The following DACH1 variants were observed in gnomAD, a reference collection of about 807,000 sequenced individuals.
The protein encoded by DACH1 is dachshund family transcription factor 1.
DACH1 carries 12 observed loss-of-function variants against 54.2 expected under a neutral mutation model. That is an observed-to-expected ratio of 0.22 (90% confidence interval 0.14 to 0.36). The LOEUF (loss-of-function observed/expected upper bound fraction) is 0.36, where lower values mean the gene tolerates loss of function less well. DACH1 is among the 10% of genes least tolerant of loss of function. The probability of loss-of-function intolerance (pLI) is 1.00; values close to 1 mark genes in which losing one functional copy is unlikely to be tolerated. For missense variants in DACH1, 805 were observed against 929.8 expected (o/e 0.87, Z 1.75); for synonymous variants, 386 against 366.2 (o/e 1.05, Z -0.62).
At chr13:71,446,849 AG>A (rs1874514467) in intron 10 of DACH1, among the ~76,000 whole-genome samples, 1 of 152,236 alleles carries the variant, frequency 6.6e-6, no homozygotes, top group Non-Finnish European at 1.5e-5. Flanking sequence ...GTAGTTTCAA[AG>A]AAAATACCTT....
intron 1 of DACH1, among the ~76,000 whole-genome samples, chr13:71,691,612 T>C (rs541064336): frequency 6.6e-6 from 1 of 151,316 alleles, no homozygotes; most frequent in Non-Finnish European, 1.5e-5. Flanking sequence ...TTAAAAGTAA[T>C]AGAGTCAGGT....
At chr13:71,516,997 T>G (rs1162123024) in intron 6 of DACH1, among the ~76,000 whole-genome samples, 1 of 151,636 alleles carries the variant, frequency 6.6e-6, no homozygotes, top group Non-Finnish European at 1.5e-5. Flanking sequence ...CTCATATACC[T>G]TAGTGAGGGG....
chr13:71,563,866 T>G (rs922130736), intron 4 of DACH1, among the ~76,000 whole-genome samples: 1 of 151,676 alleles, frequency 6.6e-6, no homozygotes, highest in Non-Finnish European at 1.5e-5. Context: ...TTTATGCAAG[T>G]GTTTATGATT....
At chr13:71,667,422 G>C (rs937407050) in intron 2 of DACH1, among the ~76,000 whole-genome samples, 3 of 152,168 alleles carry the variant, frequency 2.0e-5, no homozygotes, top group Non-Finnish European at 4.4e-5. Context: ...GCTAATGGGA[G>C]TGATAATGCT....
At chr13:71,543,874 T>C (rs1382629454) in intron 6 of DACH1, among the ~76,000 whole-genome samples, 1 of 152,142 alleles carries the variant, frequency 6.6e-6, no homozygotes, top group African/African-American at 2.4e-5. Flanking sequence ...TCTGCTAAGA[T>C]TCCCCAAGAA....
At chr13:71,713,180 C>T (rs550969944) in intron 1 of DACH1, among the ~76,000 whole-genome samples, 2 of 151,660 alleles carry the variant, frequency 1.3e-5, no homozygotes, top group African/African-American at 4.8e-5. Context: ...CCTGGGTCCA[C>T]GTTGACCTAG....
chr13:71,644,178 A>G (rs1302633121), intron 2 of DACH1, among the ~76,000 whole-genome samples: 2 of 152,182 alleles, frequency 1.3e-5, no homozygotes, highest in Non-Finnish European at 2.9e-5. Flanking sequence ...AATTAAATGC[A>G]TTGTAAATAA....
intron 2 of DACH1, among the ~76,000 whole-genome samples, chr13:71,655,160 A>C (rs1036396821): frequency 6.6e-6 from 1 of 152,122 alleles, no homozygotes; most frequent in African/African-American, 2.4e-5. Context: ...GATGATTAGA[A>C]CTTCAGAACT....
chr13:71,595,621 T>C (rs1336648261), intron 3 of DACH1, among the ~76,000 whole-genome samples: 1 of 152,102 alleles, frequency 6.6e-6, no homozygotes, highest in Non-Finnish European at 1.5e-5. Flanking sequence ...TATAAAAAAA[T>C]TCCCAAAGAC....
intron 1 of DACH1, among the ~76,000 whole-genome samples, chr13:71,756,411 G>C (rs1007575989): frequency 3.3e-5 from 5 of 151,310 alleles, no homozygotes; most frequent in African/African-American, 1.2e-4. Context: ...AGAAATCCAG[G>C]GTTCAGAGAA....
chr13:71,685,000 A>G lies in DACH1; in HGVS notation c.849-3090T>C, dbSNP rs118002700. Among the ~76,000 whole-genome samples the G allele has an allele frequency of 2.1e-3, 323 of 152,318 alleles. 5 individuals carry two copies. In the East Asian group the frequency reaches 0.047, roughly 22 times the overall value. On this transcript the variant is annotated intron_variant, in intron 1 of 10. Transcript: ENST00000613252. ...GAAATCTCAAGCAAGATGCTACAGAAAAAGTGGGAAAGAACAAGGAAGTTA... is the reference window on the plus strand; with the variant it reads ...GAAATCTCAAGCAAGATGCTACAGAGAAAGTGGGAAAGAACAAGGAAGTTA...
At chr13:71,674,844 A>T (rs1178197389) in intron 2 of DACH1, among the ~76,000 whole-genome samples, 1 of 131,320 alleles carries the variant, frequency 7.6e-6, no homozygotes, top group Non-Finnish European at 1.7e-5. Flanking sequence ...GTACAAAGGG[A>T]ACATGTACTA....
At chr13:71,785,428 A>G (rs1464075880) in intron 1 of DACH1, among the ~76,000 whole-genome samples, 2 of 152,224 alleles carry the variant, frequency 1.3e-5, no homozygotes, top group Non-Finnish European at 2.9e-5. Flanking sequence ...TTATGCATTT[A>G]AGTTAGAGTT....
intron 4 of DACH1, among the ~76,000 whole-genome samples, chr13:71,565,302 G>A (rs1884835654): frequency 6.6e-6 from 1 of 151,954 alleles, no homozygotes; most frequent in Admixed American, 6.6e-5. Flanking sequence ...GAAAACTCAG[G>A]CTCAAATACA....
At chr13:71,670,702 G>C (rs1880155898) in intron 2 of DACH1, among the ~76,000 whole-genome samples, 1 of 151,974 alleles carries the variant, frequency 6.6e-6, no homozygotes, top group African/African-American at 2.4e-5. Context: ...TTTGAGCAAA[G>C]AAAGTTAGCA....
At chr13:71,664,979 T>C (rs1039903515) in intron 2 of DACH1, among the ~76,000 whole-genome samples, 13 of 152,054 alleles carry the variant, frequency 8.5e-5, no homozygotes, top group African/African-American at 3.1e-4. Flanking sequence ...CACAAATAAA[T>C]AATAACACAG....
chr13:71,548,042 G>A (rs1375687438), intron 6 of DACH1, among the ~76,000 whole-genome samples: 2 of 152,142 alleles, frequency 1.3e-5, no homozygotes, highest in African/African-American at 4.8e-5. Flanking sequence ...GCACACGTGA[G>A]GTTATAAAAA....
intron 2 of DACH1, among the ~76,000 whole-genome samples, chr13:71,649,550 A>G (rs1219824564): frequency 6.6e-6 from 1 of 152,188 alleles, no homozygotes; most frequent in African/African-American, 2.4e-5. Context: ...AGCAATCCAT[A>G]TATGTAGGCT....
chr13:71,816,064 G>A (rs886173617), intron 1 of DACH1, among the ~76,000 whole-genome samples: 5 of 151,668 alleles, frequency 3.3e-5, no homozygotes, highest in African/African-American at 9.7e-5. Context: ...CAGCCTGGGC[G>A]ACAGAGCGAG....
Sources: gnomAD v4.1 joint callset for allele counts (sites outside exome capture counted in the v4.1 genomes callset) on GRCh38, gnomAD v4.1.1 for gene constraint, MANE v1.5 for transcripts, NCBI Gene and HGNC (gene_info 2026-07-23, HGNC 2026-07-21) for gene names.